Variants in ANXA7 observed in about 807,000 individuals in gnomAD.
ANXA7 encodes annexin VII.
A neutral mutation model predicts 64.9 loss-of-function variants in ANXA7; 55 were observed. The observed-to-expected ratio is 0.85, with a 90% confidence interval of 0.68 to 1.06. The LOEUF (loss-of-function observed/expected upper bound fraction) is 1.06. ANXA7 is among the 50% of genes least tolerant of loss of function. ANXA7 has a pLI of 0.00. For missense variants in ANXA7, 548 were observed against 582.1 expected (o/e 0.94, Z 0.60); for synonymous variants, 200 against 192.4 (o/e 1.04, Z -0.33).
chr10:73,384,955 T>C (rs2055341602), intron 7 of ANXA7, among the ~76,000 whole-genome samples: 1 of 152,044 alleles, frequency 6.6e-6, no homozygotes, highest in African/African-American at 2.4e-5. Context: ...CTTCATTACA[T>C]TCATTGTGGA....
At chr10:73,379,084 G>T in intron 11 of ANXA7, 61 bp from the exon 12 acceptor site, 1 of 1,159,472 alleles carries the variant, frequency 8.6e-7, no homozygotes, top group Non-Finnish European at 1.2e-6. Context: ...TACCCCTCCA[G>T]CTTCATTTAT....
intron 6 of ANXA7, 63 bp from the exon 7 acceptor site, chr10:73,387,846 C>CTT (rs775570274): frequency 0.011 from 6,004 of 545,192 alleles, 2 homozygotes; most frequent in South Asian, 0.015. Flanking sequence ...TTGAGGTCAT[C>CTT]TTTTTTTTTT....
In ANXA7 at chr10:73,396,602, T is replaced by A. The variant is rs200185786; in HGVS notation, c.371-19A>T. 1.3e-4 allele frequency: 192 copies of A among 1,518,164 alleles called. No individual in the cohort carries two copies. The highest frequency in any genetic ancestry group is 7.0e-4 in the Middle Eastern group (4 of 5,754). The allele number at this position is 1,518,164 out of a possible 1,614,324, so 94.0% of individuals were successfully genotyped here. Reference sequence around the variant, plus strand: ...AAGCCACCTATAATGTTAAAAAAAATAATAATAATACGGCAACAGGTCTTA... The same window carrying A: ...AAGCCACCTATAATGTTAAAAAAAAAAATAATAATACGGCAACAGGTCTTA... On this transcript the variant is annotated intron_variant, in intron 4 of 12. Transcript: ENST00000372921.
chr10:73,396,013 T>C, intron 5 of ANXA7: 1 of 1,374,940 alleles, frequency 7.3e-7, no homozygotes, highest in South Asian at 1.2e-5. Flanking sequence ...AAGGACCTAG[T>C]GATTAGTAAA....
intron 1 of ANXA7, among the ~76,000 whole-genome samples, chr10:73,407,997 G>A (rs1383445170): frequency 6.6e-6 from 1 of 152,088 alleles, no homozygotes; most frequent in East Asian, 1.9e-4. Flanking sequence ...TTTGTATAAA[G>A]AGTAAAGGAG....
At chr10:73,387,843 CA>C in intron 6 of ANXA7, 60 bp from the exon 7 acceptor site, 1 of 764,148 alleles carries the variant, frequency 1.3e-6, no homozygotes. Flanking sequence ...TGCTTGAGGT[CA>C]TCTTTTTTTT....
At chr10:73,388,039 C>T (rs1359826511) in intron 6 of ANXA7, among the ~76,000 whole-genome samples, 1 of 151,874 alleles carries the variant, frequency 6.6e-6, no homozygotes, top group Non-Finnish European at 1.5e-5. Flanking sequence ...ATTTTTAGTA[C>T]AGATGGAGTT....
rs537976776 is a variant in ANXA7 at position 73,379,018 on chromosome 10, A to C, written c.1171T>G (p.Cys391Gly). The C allele has an allele frequency of 1.6e-5, 25 of 1,606,362 alleles. No homozygotes were observed. The East Asian group carries it at 2.9e-4, about 19-fold the overall frequency. The change falls in exon 12 of 13, where the codon TGT (cysteine) becomes GGT (glycine). Residue 391 changes from cysteine to glycine, a missense_variant. Coordinates refer to ENST00000372921, the MANE Select transcript of ANXA7 (RefSeq NM_001156.5). ...AAGAAGGCAGGGCGGTTCAGGGCAC[A>C]CTGCACTGCAAGTTAGAGATGGTTG... Reference protein sequence around the residue: ...VESGLKTILQCALNRPAFFAE... With the variant: ...VESGLKTILQGALNRPAFFAE...
At chr10:73,379,811 T>C (rs2055244308) in intron 11 of ANXA7, 68 bp downstream of exon 11, 17 of 1,425,682 alleles carry the variant, frequency 1.2e-5, no homozygotes, top group Non-Finnish European at 1.5e-5. Context: ...CAACATTTAA[T>C]GGGAACAACT....
At position 73,376,120 on chromosome 10, in the gene ANXA7, A is replaced by C. The variant is rs759709531; in HGVS notation, c.1376T>G (p.Leu459Arg). Reference protein sequence around the residue: ...AGDTSGDYRRLLLAIVGQ With the variant: ...AGDTSGDYRRRLLAIVGQ Reference sequence around the variant, plus strand: ...CTACTGGCCCACAATAGCCAGAAGAAGTCTTCGGTAATCTCCACTCGTGTC... The same window carrying C: ...CTACTGGCCCACAATAGCCAGAAGACGTCTTCGGTAATCTCCACTCGTGTC... The change falls in exon 13 of 13, where the codon CTT (leucine) becomes CGT (arginine). Residue 459 changes from leucine (L) to arginine (R), a missense_variant. Physicochemically the swap from Leu to Arg is moderately radical, Grantham distance 102. Transcript: ENST00000372921. 69 of 1,599,230 alleles carry C rather than the reference A, an allele frequency of 4.3e-5. No homozygotes were observed. The highest frequency in any genetic ancestry group is 2.9e-4 in the East Asian group (13 of 44,588).
intron 1 of ANXA7, among the ~76,000 whole-genome samples, chr10:73,403,259 C>A (rs2055700844): frequency 6.6e-6 from 1 of 152,210 alleles, no homozygotes; most frequent in Non-Finnish European, 1.5e-5. Context: ...AAGGCTGAGG[C>A]AGTAGAATCT....
At chr10:73,390,232 A>G (rs1458732657) in intron 5 of ANXA7, among the ~76,000 whole-genome samples, 6 of 152,204 alleles carry the variant, frequency 3.9e-5, no homozygotes, top group African/African-American at 1.4e-4. Flanking sequence ...TTAAAGTTAT[A>G]CACATTGAAT....
intron 5 of ANXA7, among the ~76,000 whole-genome samples, chr10:73,389,075 G>A (rs543695569): frequency 2.3e-3 from 351 of 152,248 alleles, no homozygotes; most frequent in Non-Finnish European, 4.2e-3. Context: ...CAACTTAAAT[G>A]ATCAAAATTA....
At chr10:73,381,304 T>C (rs1183832246) in intron 9 of ANXA7, 1 of 152,194 alleles carries the variant, frequency 6.6e-6, no homozygotes, top group Non-Finnish European at 1.5e-5. Flanking sequence ...CATGTTCTGT[T>C]AGACTGTGCC....
rs1554816966 is a variant in ANXA7, at chr10:73,390,725, T to TATATAA, written c.436-2312_436-2311insTTATAT. On this transcript the variant is annotated intron_variant, in intron 5 of 12. Transcript: ENST00000372921. ...ATATATATATATATATATATAAAAA[T>TATATAA]ATATATATACACACACACACATATA... 1.0e-3 allele frequency among the ~76,000 whole-genome samples: 126 copies of TATATAA among 124,636 alleles called. 3 individuals are homozygous for TATATAA. Among genetic ancestry groups the TATATAA allele is most frequent in the Middle Eastern group, 4.0e-3 (1 of 252 alleles). 81.8% of individuals were successfully genotyped at this position (124,636 alleles called of 152,430 possible). A position where few individuals can be genotyped will look rare whatever the true frequency, so the allele number is the denominator to read the frequency against.
intron 1 of ANXA7, among the ~76,000 whole-genome samples, chr10:73,405,051 C>T (rs959504552): frequency 2.0e-5 from 3 of 151,926 alleles, no homozygotes; most frequent in Admixed American, 6.6e-5. Context: ...AGGCCATCCA[C>T]GCTAACACAA....
intron 5 of ANXA7, chr10:73,396,174 T>C (rs2055572126): frequency 9.6e-7 from 1 of 1,042,036 alleles, no homozygotes; most frequent in African/African-American, 1.6e-5. Flanking sequence ...CATAAATCAC[T>C]GTCAGAAATA....
intron 7 of ANXA7, among the ~76,000 whole-genome samples, chr10:73,385,945 G>A (rs2055362691): frequency 6.6e-6 from 1 of 152,138 alleles, no homozygotes. Flanking sequence ...CAGGCGTGGT[G>A]GCTCATGCCT....
At chr10:73,413,176 A>AG (rs201116700) in intron 1 of ANXA7, among the ~76,000 whole-genome samples, 6,810 of 152,206 alleles carry the variant, frequency 0.045, 458 homozygotes, top group African/African-American at 0.15. Flanking sequence ...GACAGTCCTC[A>AG]CTGAAAAGGA....
Sources: allele counts gnomAD v4.1 joint callset (sites outside exome capture counted in the v4.1 genomes callset), GRCh38; gene constraint gnomAD v4.1.1; transcripts MANE v1.5; gene names NCBI Gene and HGNC (gene_info 2026-07-23, HGNC 2026-07-21).